C3orf33: variants seen among roughly 807,000 people sequenced by gnomAD.
C3orf33 encodes the protein mitochondrial inner membrane subdomain organizer 1, also known as AP-1 activity suppressor.
A neutral mutation model predicts 28.7 loss-of-function variants in C3orf33; 23 were observed. The observed-to-expected ratio is 0.80, with a 90% CI of 0.58 to 1.13. The LOEUF (loss-of-function observed/expected upper bound fraction) is 1.13. C3orf33 is among the 50% of genes most tolerant of loss of function. The pLI is 0.00. For synonymous variants in C3orf33, 119 were observed against 120.5 expected, an observed-to-expected ratio of 0.99 and a Z score of 0.08; for missense variants, 327 against 353.4, an observed-to-expected ratio of 0.93 and a Z score of 0.60.
rs762988845 is a variant in C3orf33, at chr3:155,763,768, CT to C, written c.633del (p.Gly212GlufsTer15). On this transcript the variant is annotated frameshift_variant, in exon 5 of 5. Transcript: ENST00000340171. LOFTEE classifies it high-confidence loss of function. ...LLKAELTALK[K>X]GEGIWKEDSE... The stretch of plus-strand genomic sequence containing the variant: ...GAGTCTTCCTTCCATATTCCTTCTC[CT>C]TTTTTTAAGGCTGTTAATTCAGCTT... 1.9e-6 allele frequency: 3 copies of C among 1,605,192 alleles called. No homozygotes were observed. The highest frequency in any genetic ancestry group is 3.4e-5 in the Admixed American group (2 of 58,140).
At chr3:155,784,837 A>G (rs886223487) in intron 2 of C3orf33, among the ~76,000 whole-genome samples, 3 of 151,796 alleles carry the variant, frequency 2.0e-5, no homozygotes, top group Non-Finnish European at 4.4e-5. Context: ...CCTATAAGGC[A>G]TATAGAAAAC....
At chr3:155,792,409 A>G (rs957603105) in intron 2 of C3orf33, among the ~76,000 whole-genome samples, 1 of 152,088 alleles carries the variant, frequency 6.6e-6, no homozygotes, top group Non-Finnish European at 1.5e-5. Flanking sequence ...AAATACCGAA[A>G]TCTTCAATGC....
At chr3:155,799,085 C>T (rs1751566100) in intron 2 of C3orf33, among the ~76,000 whole-genome samples, 1 of 152,140 alleles carries the variant, frequency 6.6e-6, no homozygotes, top group Non-Finnish European at 1.5e-5. Flanking sequence ...ATCATCTCAT[C>T]CCAATTAAAA....
At chr3:155,770,784 C>T (rs895940066) in intron 3 of C3orf33, among the ~76,000 whole-genome samples, 11 of 151,904 alleles carry the variant, frequency 7.2e-5, no homozygotes, top group African/African-American at 2.7e-4. Flanking sequence ...CCTCAGCCTC[C>T]TGAGTAGCTG....
intron 2 of C3orf33, among the ~76,000 whole-genome samples, chr3:155,793,063 G>T (rs960748816): frequency 6.6e-6 from 1 of 152,054 alleles, no homozygotes; most frequent in Admixed American, 6.6e-5. Context: ...AGGATAAAAA[G>T]AATCCTAAAA....
chr3:155,765,474 C>G (rs776206223), intron 4 of C3orf33, among the ~76,000 whole-genome samples: 6 of 152,036 alleles, frequency 3.9e-5, no homozygotes, highest in Non-Finnish European at 5.9e-5. Context: ...AACTTAAAAG[C>G]TAATATTTTT....
rs1296086394 is a variant in C3orf33 at position 155,787,267 on chromosome 3, TGGCTCAATGTAGCCTTGACCTGCTG to T, written c.175-11444_175-11420del. Among the ~76,000 whole-genome samples, 32 of 151,764 alleles carry T rather than the reference TGGCTCAATGTAGCCTTGACCTGCTG, an allele frequency of 2.1e-4. 1 individual carries two copies. Among genetic ancestry groups the T allele is most frequent in the African/African-American group, 7.5e-4 (31 of 41,320 alleles). The stretch of plus-strand genomic sequence containing the variant: ...AGACTGGAGTGCGGTGGCTTGATCA[TGGCTCAATGTAGCCTTGACCTGCTG>T]GGCTCAATCGATCCTCCCACCTCAG... On this transcript the variant is annotated intron_variant, in intron 2 of 4. Transcript: ENST00000340171.
chr3:155,771,034 T>TGTGTGA (rs1553770189), intron 3 of C3orf33, among the ~76,000 whole-genome samples: 2 of 148,202 alleles, frequency 1.3e-5, no homozygotes, highest in African/African-American at 5.2e-5. Flanking sequence ...TGTGTGTGTG[T>TGTGTGA]GTGTGTGTGT....
At chr3:155,777,091 G>A (rs923463334) in intron 2 of C3orf33, among the ~76,000 whole-genome samples, 3 of 152,074 alleles carry the variant, frequency 2.0e-5, no homozygotes, top group Admixed American at 1.3e-4. Flanking sequence ...GCCGAGGCGG[G>A]AGGATCACCT....
intron 3 of C3orf33, among the ~76,000 whole-genome samples, chr3:155,769,800 G>C (rs1345947374): frequency 6.6e-6 from 1 of 152,162 alleles, no homozygotes; most frequent in East Asian, 1.9e-4. Context: ...ACCAAAGACA[G>C]TTTAAAGCCC....
In C3orf33 at chr3:155,779,727, A is replaced by G. The variant is rs563571086; in HGVS notation, c.175-3879T>C. 4.6e-5 allele frequency among the ~76,000 whole-genome samples: 7 copies of G among 152,354 alleles called. No homozygotes were observed. The East Asian group carries it at 1.3e-3, about 29-fold the overall frequency. ...ACTTTGCCCAGGGAAAGAAAGAGTT[A>G]AAAGAAGTAGGATGGCCAATAAAGA... is the stretch of plus-strand genomic sequence containing the variant. On this transcript the variant is annotated intron_variant, in intron 2 of 4. Coordinates refer to ENST00000340171, the MANE Select transcript of C3orf33 (RefSeq NM_001308229.2).
chr3:155,788,410 C>T (rs1411347069), intron 2 of C3orf33, among the ~76,000 whole-genome samples: 9 of 151,910 alleles, frequency 5.9e-5, no homozygotes, highest in Non-Finnish European at 8.8e-5. Context: ...TTCGGCTGGG[C>T]GCAGTGGCTC....
chr3:155,784,051 C>A (rs1346731242), intron 2 of C3orf33, among the ~76,000 whole-genome samples: 1 of 151,990 alleles, frequency 6.6e-6, no homozygotes, highest in Non-Finnish European at 1.5e-5. Flanking sequence ...CCTGCCTCAG[C>A]CTCCCAAGTA....
chr3:155,787,651 C>T (rs936899402), intron 2 of C3orf33, among the ~76,000 whole-genome samples: 7 of 151,248 alleles, frequency 4.6e-5, no homozygotes, highest in Admixed American at 1.3e-4. Context: ...TGTGCCCAGC[C>T]GTATGCCCAG....
intron 2 of C3orf33, among the ~76,000 whole-genome samples, chr3:155,793,834 A>AAAAAAAAC (rs778070795): frequency 1.4e-5 from 2 of 146,592 alleles, no homozygotes; most frequent in Non-Finnish European, 3.0e-5. Flanking sequence ...AAAACTAAAA[A>AAAAAAAAC]AACTAAAAAA....
chr3:155,780,437 A>G (rs906485897), intron 2 of C3orf33, among the ~76,000 whole-genome samples: 6 of 152,252 alleles, frequency 3.9e-5, no homozygotes, highest in Admixed American at 3.9e-4. Flanking sequence ...ATCTATAAAA[A>G]TCAACCTTGA....
rs116685736 is a variant in C3orf33, at chr3:155,779,919, G to A, written c.175-4071C>T. On this transcript the variant is annotated intron_variant, in intron 2 of 4. Transcript: ENST00000340171. ...TGTTCCTGCTCTCAAGGAGCTCACA[G>A]TGTATGTGAGAAAGATTCCATTGCA... Among the ~76,000 whole-genome samples the A allele has an allele frequency of 7.6e-3, 1,157 of 152,268 alleles. 15 individuals carry two copies. Among genetic ancestry groups the A allele is most frequent in the African/African-American group, 0.027 (1,117 of 41,558 alleles).
intron 2 of C3orf33, among the ~76,000 whole-genome samples, chr3:155,799,414 T>C (rs2109280930): frequency 6.6e-6 from 1 of 152,188 alleles, no homozygotes; most frequent in Middle Eastern, 3.4e-3. Flanking sequence ...GTGGGCTGGG[T>C]GCAGTGGACC....
At chr3:155,793,289 TCTCCTAGACAAACAAAAG>T (rs1368721690) in intron 2 of C3orf33, among the ~76,000 whole-genome samples, 1 of 147,158 alleles carries the variant, frequency 6.8e-6, no homozygotes, top group African/African-American at 2.5e-5. Context: ...GGAGAAATAC[TCTCCTAGACAAACAAAAG>T]CTGAGGGACT....
Sources: allele counts gnomAD v4.1 joint callset (sites outside exome capture counted in the v4.1 genomes callset), GRCh38; gene constraint gnomAD v4.1.1; transcripts MANE v1.5; gene names NCBI Gene and HGNC (gene_info 2026-07-23, HGNC 2026-07-21).